NUF2: variants seen among roughly 807,000 people sequenced by gnomAD.
NUF2 encodes NUF2 component of NDC80 kinetochore complex.
NUF2 carries 34 observed loss-of-function variants against 61.8 expected under a neutral mutation model. That is an observed-to-expected ratio of 0.55 (90% CI 0.42 to 0.73). NUF2 has a LOEUF of 0.73. NUF2 is among the 30% of genes least tolerant of loss of function. NUF2 has a pLI of 0.00. For synonymous variants in NUF2, 172 were observed against 181.6 expected (o/e 0.95, Z 0.42); for missense variants, 445 against 539.1 (o/e 0.83, Z 1.73).
rs1027098745 is a variant in NUF2, at chr1:163,346,487, G to A, written c.948+669G>A. Reference sequence around the variant, plus strand: ...TAGATCCTCAAGGCACTATGATGTCGACAGTTGGATGTTGATGACTAAAGA... The same window carrying A: ...TAGATCCTCAAGGCACTATGATGTCAACAGTTGGATGTTGATGACTAAAGA... On this transcript the variant is annotated intron_variant, in intron 11 of 13. Transcript: ENST00000271452. 2.0e-5 allele frequency among the ~76,000 whole-genome samples: 3 copies of A among 152,140 alleles called. No individual in the cohort carries two copies. The South Asian group carries it at 6.2e-4, about 32-fold the overall frequency.
Position 163,347,816 on chromosome 1 carries a change from G to A in NUF2, c.1002G>A (p.Leu334=), listed in dbSNP as rs758647956. ...GTGATGAGTCAGAACTGAAGAAATTGAAGACTGAAGAAAATTCGTTCAAAA... is the reference window on the plus strand; with the variant it reads ...GTGATGAGTCAGAACTGAAGAAATTAAAGACTGAAGAAAATTCGTTCAAAA... ...IESDESELKK[L]KTEENSFKRL... is the part of the protein sequence containing the mutation. The change falls in exon 12 of 14, where the codon TTG becomes TTA. Residue 334 remains leucine, a synonymous_variant. Transcript: ENST00000271452. The A allele has an allele frequency of 6.2e-7, 1 of 1,611,938 alleles. No homozygotes were observed. Among genetic ancestry groups the A allele is most frequent in the East Asian group, 2.2e-5 (1 of 44,740 alleles).
intron 11 of NUF2, among the ~76,000 whole-genome samples, chr1:163,346,626 G>A (rs1354099174): frequency 2.0e-5 from 3 of 152,184 alleles, no homozygotes; most frequent in Admixed American, 2.0e-4. Context: ...AGGCTGAGGC[G>A]GGAGGACCAT....
At chr1:163,338,855 C>G (rs144211218) in intron 7 of NUF2, among the ~76,000 whole-genome samples, 8 of 152,056 alleles carry the variant, frequency 5.3e-5, no homozygotes, top group African/African-American at 1.9e-4. Context: ...GTCCTGTAAA[C>G]TGACAGGAAA....
chr1:163,326,097 AT>A lies in NUF2; in HGVS notation c.48del (p.His17IlefsTer7). 2 of 1,612,874 alleles carry A rather than the reference AT, an allele frequency of 1.2e-6. No individual in the cohort carries two copies. Among genetic ancestry groups the A allele is most frequent in the Non-Finnish European group, 1.7e-6 (2 of 1,179,100 alleles). On this transcript the variant is annotated frameshift_variant, in exon 2 of 14. Coordinates refer to ENST00000271452, the MANE Select transcript of NUF2 (RefSeq NM_145697.3). LOFTEE classifies it high-confidence loss of function. The stretch of plus-strand genomic sequence containing the variant: ...CAGATATAATGTAGCTGAGATTGTG[AT>A]TCATATTCGCAATAAGATCTTAACA... ...FPRYNVAEIV[I>X]HIRNKILTGA...
At chr1:163,343,432 G>A (rs1651013947) in intron 9 of NUF2, among the ~76,000 whole-genome samples, 1 of 152,148 alleles carries the variant, frequency 6.6e-6, no homozygotes, top group Non-Finnish European at 1.5e-5. Context: ...ACTTATACTT[G>A]TCTAAACATA....
At chr1:163,353,974 A>G (rs1272084577) in intron 13 of NUF2, among the ~76,000 whole-genome samples, 2 of 152,186 alleles carry the variant, frequency 1.3e-5, no homozygotes, top group East Asian at 3.9e-4. Flanking sequence ...AGTCACACTT[A>G]GTTCTGATAG....
intron 1 of NUF2, 135 bp from the exon 2 acceptor site, chr1:163,325,893 TCTTA>T (rs1650401400): frequency 1.9e-6 from 1 of 531,116 alleles, no homozygotes; most frequent in Non-Finnish European, 3.3e-6. Flanking sequence ...CTTGTATTTA[TCTTA>T]CTAAGATATT....
rs768250448 is a variant in NUF2 at position 163,340,333 on chromosome 1, CATT to C, written c.607-28_607-26del. ...GTGGCTAAATCTAAATGTTTTGAAT[CATT>C]ATAAAACGTGTTTGCTTTTTCCCTT... On this transcript the variant is annotated intron_variant, in intron 8 of 13. Coordinates refer to ENST00000271452, the MANE Select transcript of NUF2 (RefSeq NM_145697.3). 19 of 1,537,392 alleles carry C rather than the reference CATT, an allele frequency of 1.2e-5. No homozygotes were observed. The African/African-American group carries it at 1.9e-4, about 16-fold the overall frequency.
At chr1:163,334,270 T>C (rs1342698426) in intron 5 of NUF2, among the ~76,000 whole-genome samples, 1 of 152,210 alleles carries the variant, frequency 6.6e-6, no homozygotes, top group Non-Finnish European at 1.5e-5. Flanking sequence ...AGTGCTACAA[T>C]AAACATACAA....
intron 9 of NUF2, among the ~76,000 whole-genome samples, chr1:163,341,965 G>T: frequency 6.6e-6 from 1 of 151,982 alleles, no homozygotes; most frequent in East Asian, 1.9e-4. Flanking sequence ...ATGAATTAGG[G>T]ATTTTAGCTC....
Position 163,355,469 on chromosome 1 carries a change from A to G in NUF2, c.1395A>G (p.Ter465TrpextTer9), listed in dbSNP as rs376734738. The part of the protein sequence containing the change: ...LKRKMFKMST[*>W] ...GGAAGATGTTCAAAATGTCAACCTGATTAACAAAATTACATGTCTTTTTGT... is the reference window on the plus strand; with the variant it reads ...GGAAGATGTTCAAAATGTCAACCTGGTTAACAAAATTACATGTCTTTTTGT... The change falls in exon 14 of 14, where the codon TGA becomes TGG. Residue 465 changes from the stop codon to tryptophan, a stop_lost. Coordinates refer to ENST00000271452, the MANE Select transcript of NUF2 (RefSeq NM_145697.3). 2 of 1,582,850 alleles carry G rather than the reference A, an allele frequency of 1.3e-6. No individual in the cohort carries two copies. Among genetic ancestry groups the G allele is most frequent in the African/African-American group, 2.7e-5 (2 of 73,338 alleles).
chr1:163,330,411 A>G (rs913404178), intron 5 of NUF2, among the ~76,000 whole-genome samples: 9 of 152,190 alleles, frequency 5.9e-5, no homozygotes, highest in African/African-American at 1.9e-4. Flanking sequence ...TGAGCTCGCT[A>G]TTCTACTCCA....
At chr1:163,324,900 CTTTTTTT>C in intron 1 of NUF2, among the ~76,000 whole-genome samples, 1 of 122,984 alleles carries the variant, frequency 8.1e-6, no homozygotes, top group Non-Finnish European at 1.7e-5. Context: ...TCTTTTCTTT[CTTTTTTT>C]TTTTTTTTTT....
chr1:163,343,713 TA>T lies in NUF2; in HGVS notation c.670-15del. 1 of 1,238,104 alleles carries T rather than the reference TA, an allele frequency of 8.1e-7. No homozygotes were observed. The highest frequency in any genetic ancestry group is 1.1e-6 in the Non-Finnish European group (1 of 917,742). The allele number at this position is 1,238,104 out of a possible 1,614,324, so 76.7% of individuals were successfully genotyped here. On this transcript the variant is annotated intron_variant, in intron 9 of 13. Transcript: ENST00000271452. The stretch of plus-strand genomic sequence containing the variant: ...CACCAAGTTTATTATATCTAATATA[TA>T]AAAATGTTTTCTCAACAGAATGAAC...
chr1:163,328,968 T>C (rs1382794642), intron 5 of NUF2, 61 bp downstream of exon 5: 2 of 656,272 alleles, frequency 3.0e-6, no homozygotes, highest in African/African-American at 2.0e-5. Context: ...CACCTTTCCA[T>C]CAGTAAATGT....
chr1:163,344,092 G>C (rs559826136), intron 10 of NUF2, among the ~76,000 whole-genome samples: 1 of 152,046 alleles, frequency 6.6e-6, no homozygotes, highest in Non-Finnish European at 1.5e-5. Context: ...AATTTTTCGA[G>C]GCTTTTCTCT....
chr1:163,345,175 G>A (rs1028833001), intron 10 of NUF2, among the ~76,000 whole-genome samples: 3 of 152,052 alleles, frequency 2.0e-5, no homozygotes, highest in African/African-American at 4.8e-5. Context: ...GTAGAACAAG[G>A]GGTAGGCTAG....
At chr1:163,350,274 C>G (rs576147280) in intron 13 of NUF2, among the ~76,000 whole-genome samples, 1 of 151,532 alleles carries the variant, frequency 6.6e-6, no homozygotes, top group South Asian at 2.1e-4. Flanking sequence ...TGCACTCCAG[C>G]CTGGGCGACA....
intron 11 of NUF2, among the ~76,000 whole-genome samples, chr1:163,346,620 T>C (rs1007188360): frequency 2.0e-5 from 3 of 152,206 alleles, no homozygotes; most frequent in African/African-American, 7.2e-5. Flanking sequence ...TTCGGAAGGC[T>C]GAGGCGGGAG....
Sources: gnomAD v4.1 joint callset for allele counts (sites outside exome capture counted in the v4.1 genomes callset) on GRCh38, gnomAD v4.1.1 for gene constraint, MANE v1.5 for transcripts, NCBI Gene and HGNC (gene_info 2026-07-23, HGNC 2026-07-21) for gene names.